The following RBFOX1 variants were observed in gnomAD, a reference collection of about 807,000 sequenced individuals.
RBFOX1 encodes the protein RNA binding protein fox-1 homolog 1.
A neutral mutation model predicts 57.7 loss-of-function variants in RBFOX1; 8 were observed. The ratio of observed to expected loss-of-function variants is 0.14; its 90% confidence interval spans 0.08 to 0.25. The LOEUF is 0.25. Among genes scored for constraint, RBFOX1 ranks in the 10% least tolerant of loss-of-function variants. The pLI is 1.00. For synonymous variants in RBFOX1, 326 were observed against 222.4 expected (o/e 1.47, Z -4.15); for missense variants, 611 against 548.5 (o/e 1.11, Z -1.14).
intron 1 of RBFOX1, among the ~76,000 whole-genome samples, chr16:6,174,599 A>C (rs1416973046): frequency 6.6e-6 from 1 of 152,186 alleles, no homozygotes; most frequent in Non-Finnish European, 1.5e-5. Context: ...TATCTCCAAA[A>C]AATAAAAATA....
chr16:6,659,770 G>A (rs189071137), intron 3 of RBFOX1, among the ~76,000 whole-genome samples: 1 of 152,282 alleles, frequency 6.6e-6, no homozygotes, highest in Admixed American at 6.5e-5. Flanking sequence ...CTTCCGGGAA[G>A]TAGTTGGCAC....
At chr16:6,941,284 C>G (rs1195212498) in intron 3 of RBFOX1, among the ~76,000 whole-genome samples, 4 of 101,306 alleles carry the variant, frequency 3.9e-5, no homozygotes, top group African/African-American at 1.7e-4. Context: ...CCTCCCTTCC[C>G]TCCTTCCCTC....
rs1368028855 is a variant in RBFOX1, at chr16:5,531,055, G to A, written c.258+63801G>A. ...CAGGAGAATGGCGTGAGCCAGGGAG[G>A]TGGAGCTTGCAGTAAGCCGAGATTG... On this transcript the variant is annotated intron_variant, in intron 2 of 2. Coordinates refer to the RBFOX1 transcript ENST00000585867. Among the ~76,000 whole-genome samples the A allele has an allele frequency of 4.6e-5, 7 of 152,018 alleles. No individual in the cohort carries two copies. In the South Asian group the frequency reaches 1.5e-3, roughly 32 times the overall value.
At chr16:6,950,292 C>G (rs946406423) in intron 3 of RBFOX1, among the ~76,000 whole-genome samples, 1 of 151,898 alleles carries the variant, frequency 6.6e-6, no homozygotes, top group African/African-American at 2.4e-5. Flanking sequence ...CCATGCTCCC[C>G]TCTGCATCTC....
At position 5,313,827 on chromosome 16, in the gene RBFOX1, C is replaced by T. The variant is rs191939213; in HGVS notation, c.219+73722C>T. Among the ~76,000 whole-genome samples the T allele has an allele frequency of 3.4e-5, 5 of 147,202 alleles. No homozygotes were observed. The East Asian group carries it at 1.1e-3, about 32-fold the overall frequency. ...ACGTGGGAATGGTGGGAATTACAAT[C>T]AAAGATGAGATTTGGATTGGGGACA... is the stretch of plus-strand genomic sequence containing the variant. On this transcript the variant is annotated intron_variant, in intron 1 of 2. Coordinates refer to the RBFOX1 transcript ENST00000585867.
At chr16:5,992,127 A>C (rs570585312) in intron 4 of RBFOX1, among the ~76,000 whole-genome samples, 7 of 152,322 alleles carry the variant, frequency 4.6e-5, no homozygotes, top group Non-Finnish European at 8.8e-5. Flanking sequence ...GAATTAGACT[A>C]CATTTACCTT....
intron 3 of RBFOX1, among the ~76,000 whole-genome samples, chr16:6,869,042 A>G (rs1485586071): frequency 6.6e-6 from 1 of 152,246 alleles, no homozygotes; most frequent in African/African-American, 2.4e-5. Flanking sequence ...TATTGAGCAC[A>G]TGGTACGAAT....
chr16:6,979,102 A>C (rs2087916339), intron 3 of RBFOX1, among the ~76,000 whole-genome samples: 1 of 152,228 alleles, frequency 6.6e-6, no homozygotes, highest in Admixed American at 6.5e-5. Flanking sequence ...CAACATGATG[A>C]TTATGGGCTC....
intron 3 of RBFOX1, among the ~76,000 whole-genome samples, chr16:6,947,550 A>C (rs759758101): frequency 2.2e-4 from 34 of 152,148 alleles, no homozygotes; most frequent in Admixed American, 4.6e-4. Context: ...TGAAACATGA[A>C]TGGACTTGAG....
chr16:5,448,284 T>C (rs756839256), intron 1 of RBFOX1, among the ~76,000 whole-genome samples: 1 of 152,158 alleles, frequency 6.6e-6, no homozygotes, highest in Non-Finnish European at 1.5e-5. Context: ...CTTTCGACTC[T>C]AAACTGTTCC....
rs201888490 is a variant in RBFOX1 at position 7,581,886 on chromosome 16, T to TC, written c.414+1966_414+1967insC. On this transcript the variant is annotated intron_variant, in intron 6 of 15. Transcript: ENST00000550418. ...CCACCATGCTTGGCTAATTTTTAAG[T>TC]ATTTTTTTTTAATAGAGATGGGGTC... is the stretch of plus-strand genomic sequence containing the variant. Among the ~76,000 whole-genome samples the TC allele has an allele frequency of 2.3e-3, 347 of 151,322 alleles. 4 individuals carry two copies. The Middle Eastern group carries it at 0.024, about 10-fold the overall frequency.
chr16:6,754,849 C>T (rs1378146748), intron 3 of RBFOX1, among the ~76,000 whole-genome samples: 2 of 152,078 alleles, frequency 1.3e-5, no homozygotes, highest in South Asian at 2.1e-4. Context: ...AGCTATCCCT[C>T]CCCTCTCCCC....
rs572535323 is a variant in RBFOX1 at position 6,489,025 on chromosome 16, C to G, written c.-63-165578C>G. Among the ~76,000 whole-genome samples, 60 of 152,284 alleles carry G rather than the reference C, an allele frequency of 3.9e-4. 1 individual carries two copies. Among genetic ancestry groups the G allele is most frequent in the Admixed American group, 3.3e-3 (50 of 15,288 alleles). On this transcript the variant is annotated intron_variant, in intron 2 of 15. Coordinates refer to ENST00000550418, the MANE Select transcript of RBFOX1 (RefSeq NM_018723.4). Reference sequence around the variant, plus strand: ...CAGACGGTCCTTATTCCCTTACAGTCTGACACTAAAATTGTTACAGCTGCT... The same window carrying G: ...CAGACGGTCCTTATTCCCTTACAGTGTGACACTAAAATTGTTACAGCTGCT...
intron 3 of RBFOX1, among the ~76,000 whole-genome samples, chr16:6,948,009 C>T (rs1456678303): frequency 1.3e-5 from 2 of 152,122 alleles, no homozygotes; most frequent in Non-Finnish European, 1.5e-5. Flanking sequence ...AAACTCCTGA[C>T]CTAAAGCAGT....
At chr16:5,349,370 G>A (rs1196809853) in intron 1 of RBFOX1, among the ~76,000 whole-genome samples, 1 of 152,154 alleles carries the variant, frequency 6.6e-6, no homozygotes, top group Non-Finnish European at 1.5e-5. Flanking sequence ...ACAACACCAT[G>A]CACTTAAAAA....
chr16:7,268,378 G>C (rs758564881), intron 4 of RBFOX1, among the ~76,000 whole-genome samples: 37 of 152,196 alleles, frequency 2.4e-4, no homozygotes, highest in Non-Finnish European at 2.9e-4. Context: ...AGCCTTGGAG[G>C]ACTCGCTCTC....
chr16:7,509,426 G>GTGTGTGTGTGTC (rs1555531504), intron 4 of RBFOX1, among the ~76,000 whole-genome samples: 43 of 146,484 alleles, frequency 2.9e-4, no homozygotes, highest in African/African-American at 8.3e-4. Context: ...GTGTGTGTGT[G>GTGTGTGTGTGTC]TGTGTCTGTG....
At chr16:6,746,675 G>A (rs2073737557) in intron 3 of RBFOX1, among the ~76,000 whole-genome samples, 1 of 150,094 alleles carries the variant, frequency 6.7e-6, no homozygotes, top group Non-Finnish European at 1.5e-5. Context: ...AGACACAGGT[G>A]TCAGGGAAAA....
Position 7,304,633 on chromosome 16 carries a change from T to C in RBFOX1, c.28-213514T>C, listed in dbSNP as rs140338564. 906 of 968,676 alleles carry C rather than the reference T, an allele frequency of 9.4e-4. 2 individuals carry two copies. The African/African-American group carries it at 0.015, about 16-fold the overall frequency. 60.0% of individuals were successfully genotyped at this position (968,676 alleles called of 1,614,324 possible). On this transcript the variant is annotated intron_variant, in intron 4 of 15. Coordinates refer to ENST00000550418, the MANE Select transcript of RBFOX1 (RefSeq NM_018723.4). ...ATGGAAAGGGTGGATGGAAGCCTCC[T>C]GCTCTCTGTGGAGCCCGGGCACCTC...
Sources: gnomAD v4.1 joint callset for allele counts (sites outside exome capture counted in the v4.1 genomes callset) on GRCh38, gnomAD v4.1.1 for gene constraint, MANE v1.5 for transcripts, NCBI Gene and HGNC (gene_info 2026-07-23, HGNC 2026-07-21) for gene names.